The following EPS8L3 variants were observed in gnomAD, a reference collection of about 807,000 sequenced individuals.
The protein encoded by EPS8L3 is epidermal growth factor receptor kinase substrate 8-like protein 3.
Under a neutral mutation model 88.5 loss-of-function variants are expected in EPS8L3, and 80 were observed. The observed-to-expected ratio is 0.90, with a 90% confidence interval of 0.75 to 1.09. EPS8L3 has a LOEUF of 1.09. EPS8L3 is among the 50% of genes least tolerant of loss of function. EPS8L3 has a pLI of 0.00. For missense variants in EPS8L3, 721 were observed against 735.2 expected (o/e 0.98, Z 0.22); for synonymous variants, 286 against 291.0 (o/e 0.98, Z 0.18).
In EPS8L3 at chr1:109,752,330, G is replaced by C. The variant is rs980139676; in HGVS notation, c.1236-137C>G. The C allele has an allele frequency of 4.7e-6, 4 of 857,986 alleles. No individual in the cohort carries two copies. The African/African-American group carries it at 6.8e-5, about 15-fold the overall frequency. 53.1% of individuals were successfully genotyped at this position (857,986 alleles called of 1,614,324 possible). A position where few individuals can be genotyped will look rare whatever the true frequency, so the allele number is the denominator to read the frequency against. ...TGGGTTTCTTTAGAGTTTGCTGGCA[G>C]GTCAGTGTTAGGTGGGGCTTTCTGC... is the stretch of plus-strand genomic sequence containing the variant. On this transcript the variant is annotated intron_variant, in intron 14 of 18. Transcript: ENST00000361965.
chr1:109,761,628 G>A (rs1389266783), intron 2 of EPS8L3, 69 bp from the exon 3 acceptor site: 16 of 1,597,554 alleles, frequency 1.0e-5, no homozygotes, highest in South Asian at 2.2e-5. Context: ...CAACTGCTGG[G>A]GGCAGTTGGT....
At chr1:109,751,877 C>G (rs1649828969) in intron 15 of EPS8L3, 95 bp from the exon 16 acceptor site, 1 of 1,579,856 alleles carries the variant, frequency 6.3e-7, no homozygotes, top group South Asian at 1.2e-5. Flanking sequence ...TTCCTACCCT[C>G]CTTCTCCCTC....
chr1:109,758,275 G>T (rs750418134), intron 8 of EPS8L3, 41 bp downstream of exon 8: 161 of 1,563,302 alleles, frequency 1.0e-4, no homozygotes, highest in Admixed American at 1.4e-4. Context: ...CTTTTCCCAG[G>T]CCCAGAAAGC....
Position 109,750,308 on chromosome 1 carries a change from G to A in EPS8L3, c.*83C>T, listed in dbSNP as rs1649658370. Reference sequence around the variant, plus strand: ...TTGCTGCAAACTGGGATCCAGAAGAGGAATTCTCGGGGCTCTAATGGGTAT... The same window carrying A: ...TTGCTGCAAACTGGGATCCAGAAGAAGAATTCTCGGGGCTCTAATGGGTAT... On this transcript the variant is annotated 3_prime_UTR_variant, in exon 19 of 19. Transcript: ENST00000361965. The A allele has an allele frequency of 3.2e-6, 5 of 1,549,370 alleles. No individual in the cohort carries two copies. The highest frequency in any genetic ancestry group is 3.5e-6 in the Non-Finnish European group (4 of 1,130,332).
intron 1 of EPS8L3, among the ~76,000 whole-genome samples, chr1:109,762,516 T>C (rs962945812): frequency 6.6e-6 from 1 of 152,196 alleles, no homozygotes; most frequent in African/African-American, 2.4e-5. Context: ...CTGGACCTTG[T>C]ACATTTATCT....
chr1:109,757,583 C>A, intron 10 of EPS8L3, 28 bp from the exon 11 acceptor site: 1 of 1,592,794 alleles, frequency 6.3e-7, no homozygotes, highest in Non-Finnish European at 8.6e-7. Flanking sequence ...TGCCTGTCAC[C>A]ACCCTTCACC....
In EPS8L3 at chr1:109,751,714, G is replaced by T. The variant is rs749905877; in HGVS notation, c.1503C>A (p.Ser501Arg). Residue 501 changes from serine (S) to arginine (R), a missense_variant, in exon 16 of 19, where the codon AGC (serine) becomes AGA (arginine). Transcript: ENST00000361965. The stretch of plus-strand genomic sequence containing the variant: ...CCGGCTGTAGGGGCTCCAGGATGTT[G>T]CTTGGAATGTAGCCGCTCCGTCCCG... Reference protein sequence around the residue: ...NEAGRSGYIPSNILEPLQPGT... With the variant: ...NEAGRSGYIPRNILEPLQPGT... 5 of 1,613,794 alleles carry T rather than the reference G, an allele frequency of 3.1e-6. No homozygotes were observed. The highest frequency in any genetic ancestry group is 3.3e-5 in the Admixed American group (2 of 59,990).
intron 1 of EPS8L3, among the ~76,000 whole-genome samples, chr1:109,762,437 C>G (rs1010267056): frequency 1.3e-5 from 2 of 152,136 alleles, no homozygotes; most frequent in Non-Finnish European, 2.9e-5. Flanking sequence ...GCTCAAAGAT[C>G]ACCCTCTTGG....
At chr1:109,752,847 C>A in intron 13 of EPS8L3, 127 bp from the exon 14 acceptor site, 1 of 888,724 alleles carries the variant, frequency 1.1e-6, no homozygotes, top group Non-Finnish European at 1.8e-6. Context: ...TTTCCTGCCT[C>A]CCCCAGTTTA....
At chr1:109,760,486 C>T (rs946990552) in intron 3 of EPS8L3, among the ~76,000 whole-genome samples, 1 of 152,136 alleles carries the variant, frequency 6.6e-6, no homozygotes, top group South Asian at 2.1e-4. Flanking sequence ...TGCAGCCTGC[C>T]TCCTGCCCTT....
intron 8 of EPS8L3, 47 bp downstream of exon 8, chr1:109,758,269 T>G: frequency 6.4e-7 from 1 of 1,556,946 alleles, no homozygotes; most frequent in Non-Finnish European, 8.8e-7. Context: ...TCCTTCCTTT[T>G]CCCAGGCCCA....
chr1:109,751,282 TGGA>T lies in EPS8L3; in HGVS notation c.1630_1632del (p.Ser544del). 2 of 1,613,772 alleles carry T rather than the reference TGGA, an allele frequency of 1.2e-6. No individual in the cohort carries two copies. Among genetic ancestry groups the T allele is most frequent in the East Asian group, 2.2e-5 (1 of 44,870 alleles). ...CCTGTAGGGCCAGGCACTCACGCAG[TGGA>T]GAAGTTCTCTGCCTGCAGCCAGTCT... On this transcript the variant is annotated inframe_deletion, in exon 17 of 19. Transcript: ENST00000361965.
At chr1:109,761,979 C>CGGGCTGAGGGAA (rs1553243768) in intron 1 of EPS8L3, among the ~76,000 whole-genome samples, 1 of 152,076 alleles carries the variant, frequency 6.6e-6, no homozygotes, top group Non-Finnish European at 1.5e-5. Flanking sequence ...CTGGAGGCCC[C>CGGGCTGAGGGAA]GGGCTGAGGG....
Position 109,758,564 on chromosome 1 carries a change from C to G in EPS8L3, c.561G>C (p.Gly187=). 1 of 1,612,906 alleles carries G rather than the reference C, an allele frequency of 6.2e-7. No homozygotes were observed. The highest frequency in any genetic ancestry group is 1.1e-5 in the South Asian group (1 of 90,880). The change falls in exon 7 of 19, where the codon GGG becomes GGC. Residue 187 remains glycine, a synonymous_variant. Coordinates refer to ENST00000361965, the MANE Select transcript of EPS8L3 (RefSeq NM_133181.4). ...PMEQARYLEP[G]IPPEQPHQRT... is the part of the protein sequence containing the mutation. ...TCTGGTGGGGCTGTTCTGGAGGGAT[C>G]CCCGGCTCCAGATAGCGTGCCTGCT... is the stretch of plus-strand genomic sequence containing the variant.
Position 109,759,412 on chromosome 1 carries a change from G to C in EPS8L3, c.256-25C>G, listed in dbSNP as rs1650674359. The C allele has an allele frequency of 1.9e-6, 3 of 1,610,496 alleles. No homozygotes were observed. The highest frequency in any genetic ancestry group is 2.5e-6 in the Non-Finnish European group (3 of 1,178,144). ...CCTGGGCCAGGTGGAGAGGTCAACT[G>C]TGAGGCCACCAGAGCTAGGTGTGGC... On this transcript the variant is annotated intron_variant, in intron 4 of 18. Coordinates refer to ENST00000361965, the MANE Select transcript of EPS8L3 (RefSeq NM_133181.4). The surrounding 1 kb of genome is among the most constrained non-coding windows in gnomAD (Gnocchi z 4.2).
At chr1:109,756,988 G>A (rs376125446) in intron 12 of EPS8L3, 29 bp downstream of exon 12, 13 of 1,613,942 alleles carry the variant, frequency 8.1e-6, no homozygotes, top group African/African-American at 8.0e-5. Context: ...CCTCACCCCC[G>A]ATTCAGTTCA....
At position 109,759,338 on chromosome 1, in the gene EPS8L3, G is replaced by A. The variant is rs766952298; in HGVS notation, c.305C>T (p.Ala102Val). 1.3e-5 allele frequency: 21 copies of A among 1,614,054 alleles called. No homozygotes were observed. The highest frequency in any genetic ancestry group is 2.2e-5 in the East Asian group (1 of 44,898). Residue 102 changes from alanine (A) to valine (V), a missense_variant, in exon 5 of 19, where the codon GCG (alanine) becomes GTG (valine). Ala to Val is a moderately conservative substitution (Grantham distance 64). Coordinates refer to ENST00000361965, the MANE Select transcript of EPS8L3 (RefSeq NM_133181.4). This position sits in a 1 kb window ranked among gnomAD's most constrained non-coding sequence, Gnocchi z 4.2. ...RLDSIQAMNV[A>V]LNTCSYNSIL... Reference sequence around the variant, plus strand: ...GGAGTTGTAGGAACATGTGTTGAGCGCCACATTCATGGCCTGGATGCTGTC... The same window carrying A: ...GGAGTTGTAGGAACATGTGTTGAGCACCACATTCATGGCCTGGATGCTGTC...
rs1211879428 is a variant in EPS8L3 at position 109,751,872 on chromosome 1, A to T, written c.1435-90T>A. Reference sequence around the variant, plus strand: ...GGCTTTCTCCCTCCAGCTCTTTCCTACCCTCCTTCTCCCTCTCTAGGCCAC... The same window carrying T: ...GGCTTTCTCCCTCCAGCTCTTTCCTTCCCTCCTTCTCCCTCTCTAGGCCAC... On this transcript the variant is annotated intron_variant, in intron 15 of 18. Transcript: ENST00000361965. 4 of 1,579,728 alleles carry T rather than the reference A, an allele frequency of 2.5e-6. No homozygotes were observed. In the African/African-American group the frequency reaches 4.1e-5, roughly 16 times the overall value.
intron 12 of EPS8L3, among the ~76,000 whole-genome samples, chr1:109,754,498 A>C (rs745602321): frequency 1.5e-4 from 23 of 152,248 alleles, no homozygotes; most frequent in Non-Finnish European, 2.5e-4. Context: ...AAACTAAAAA[A>C]CATCTAAGGG....
Sources: gnomAD v4.1 joint callset for allele counts (sites outside exome capture counted in the v4.1 genomes callset) on GRCh38, gnomAD v4.1.1 for gene constraint, Gnocchi (gnomAD v3.1) non-coding constraint, MANE v1.5 for transcripts, NCBI Gene and HGNC (gene_info 2026-07-23, HGNC 2026-07-21) for gene names.